Variants in CTNNA3 observed in about 807,000 individuals in gnomAD.
CTNNA3 encodes the protein catenin alpha 3.
CTNNA3 carries 76 observed loss-of-function variants against 95.7 expected under a neutral mutation model. The observed-to-expected ratio is 0.79, with a 90% confidence interval of 0.66 to 0.96. The LOEUF (loss-of-function observed/expected upper bound fraction) is 0.96, where lower values mean the gene tolerates loss of function less well. Ranked by LOEUF, CTNNA3 falls within the 40% of genes least tolerant of loss-of-function variation. The pLI, the probability that CTNNA3 is intolerant of heterozygous loss-of-function variation, is 0.00. For synonymous variants in CTNNA3, 431 were observed against 374.4 expected, an observed-to-expected ratio of 1.15 and a Z score of -1.74; for missense variants, 1,191 against 1,089.8, an observed-to-expected ratio of 1.09 and a Z score of -1.31.
At chr10:66,207,890 T>TA (rs1370431008) in intron 13 of CTNNA3, among the ~76,000 whole-genome samples, 2 of 151,766 alleles carry the variant, frequency 1.3e-5, no homozygotes, top group African/African-American at 4.8e-5. Context: ...CTCACATTAA[T>TA]AAAAAAAATA....
chr10:66,514,755 C>T (rs998785350), intron 11 of CTNNA3, among the ~76,000 whole-genome samples: 1 of 152,056 alleles, frequency 6.6e-6, no homozygotes, highest in African/African-American at 2.4e-5. Flanking sequence ...TTTTTACAAA[C>T]CCTTATATTT....
intron 11 of CTNNA3, among the ~76,000 whole-genome samples, chr10:66,499,496 A>T (rs2131959776): frequency 6.6e-6 from 1 of 152,270 alleles, no homozygotes; most frequent in African/African-American, 2.4e-5. Flanking sequence ...TTTGAGAGGA[A>T]AAACAATTTT....
intron 15 of CTNNA3, among the ~76,000 whole-genome samples, chr10:65,994,702 A>T (rs1412603341): frequency 6.6e-6 from 1 of 152,082 alleles, no homozygotes; most frequent in Non-Finnish European, 1.5e-5. Flanking sequence ...TATCTCTCCT[A>T]AGACTTTTAA....
At chr10:67,208,767 T>C (rs1228209725) in intron 6 of CTNNA3, among the ~76,000 whole-genome samples, 1 of 152,190 alleles carries the variant, frequency 6.6e-6, no homozygotes, top group Non-Finnish European at 1.5e-5. Context: ...TTTCTTAATT[T>C]CCATAATTGT....
At chr10:67,237,703 G>A (rs1174525081) in intron 5 of CTNNA3, among the ~76,000 whole-genome samples, 1 of 152,152 alleles carries the variant, frequency 6.6e-6, no homozygotes, top group African/African-American at 2.4e-5. Flanking sequence ...ACAAATACAG[G>A]AAACCTAAGC....
At chr10:67,637,261 T>A (rs1354323431) in intron 2 of CTNNA3, among the ~76,000 whole-genome samples, 1 of 152,128 alleles carries the variant, frequency 6.6e-6, no homozygotes, top group African/African-American at 2.4e-5. Context: ...AGAAAGGGTA[T>A]CAGTGATGGA....
rs184000502 is a variant in CTNNA3, at chr10:67,577,985, T to C, written c.292+28872A>G. On this transcript the variant is annotated intron_variant, in intron 3 of 17. Coordinates refer to ENST00000433211, the MANE Select transcript of CTNNA3 (RefSeq NM_013266.4). Reference sequence around the variant, plus strand: ...TTCTACCAACAGAATATAAGAGTTTTCTTTTCTCCACATCCTCGCCAACAT... The same window carrying C: ...TTCTACCAACAGAATATAAGAGTTTCCTTTTCTCCACATCCTCGCCAACAT... Among the ~76,000 whole-genome samples the C allele has an allele frequency of 1.4e-3, 208 of 145,720 alleles. 1 individual carries two copies. In the Middle Eastern group the frequency reaches 0.031, roughly 22 times the overall value.
chr10:66,155,428 G>T (rs907121066), intron 13 of CTNNA3, among the ~76,000 whole-genome samples: 20 of 151,762 alleles, frequency 1.3e-4, no homozygotes, highest in African/African-American at 4.1e-4. Context: ...GTCACATTTT[G>T]ATTTCAAAAG....
chr10:67,402,984 C>G (rs1263980899), intron 5 of CTNNA3, among the ~76,000 whole-genome samples: 1 of 152,238 alleles, frequency 6.6e-6, no homozygotes, highest in Non-Finnish European at 1.5e-5. Context: ...ATAAGACCCA[C>G]TGGCTTGGAA....
Position 66,824,688 on chromosome 10 carries a change from A to G in CTNNA3, c.1048-49164T>C, listed in dbSNP as rs148797897. Reference sequence around the variant, plus strand: ...GCAGACAGTATGTGGGAAACATCAGACAAACCCAAATTGAAAGACGTTCTA... The same window carrying G: ...GCAGACAGTATGTGGGAAACATCAGGCAAACCCAAATTGAAAGACGTTCTA... On this transcript the variant is annotated intron_variant, in intron 7 of 17. Transcript: ENST00000433211. Among the ~76,000 whole-genome samples the G allele has an allele frequency of 4.1e-3, 618 of 152,310 alleles. 5 individuals carry two copies. Among genetic ancestry groups the G allele is most frequent in the African/African-American group, 0.013 (560 of 41,568 alleles).
intron 13 of CTNNA3, among the ~76,000 whole-genome samples, chr10:66,209,726 A>C (rs1405566838): frequency 6.6e-6 from 1 of 152,164 alleles, no homozygotes; most frequent in African/African-American, 2.4e-5. Flanking sequence ...TTTTATAGTA[A>C]TAAGCTAGTT....
chr10:67,265,195 C>G (rs1866771462), intron 5 of CTNNA3, among the ~76,000 whole-genome samples: 1 of 152,166 alleles, frequency 6.6e-6, no homozygotes, highest in Admixed American at 6.5e-5. Flanking sequence ...TTAAAATAAT[C>G]AAACTCAACC....
At chr10:66,199,428 C>T (rs2087173771) in intron 13 of CTNNA3, among the ~76,000 whole-genome samples, 1 of 150,558 alleles carries the variant, frequency 6.6e-6, no homozygotes, top group Non-Finnish European at 1.5e-5. Context: ...TGTGTATATT[C>T]TTTAAAGTGT....
chr10:66,135,179 G>T (rs1474694096), intron 13 of CTNNA3, among the ~76,000 whole-genome samples: 1 of 151,992 alleles, frequency 6.6e-6, no homozygotes, highest in African/African-American at 2.4e-5. Flanking sequence ...CACCTCAATT[G>T]CAACAAAAAC....
At chr10:66,541,791 C>T (rs1250841088) in intron 10 of CTNNA3, among the ~76,000 whole-genome samples, 3 of 152,086 alleles carry the variant, frequency 2.0e-5, no homozygotes, top group Non-Finnish European at 4.4e-5. Context: ...AACTTTACAA[C>T]ACGTAAGAGA....
intron 5 of CTNNA3, among the ~76,000 whole-genome samples, chr10:67,343,996 G>C (rs902821816): frequency 6.7e-6 from 1 of 149,500 alleles, no homozygotes; most frequent in South Asian, 2.1e-4. Context: ...TTATGTTGAA[G>C]TATGCTCATT....
In CTNNA3 at chr10:66,105,813, T is replaced by A. The variant is rs931010366; in HGVS notation, c.1885-2564A>T. Among the ~76,000 whole-genome samples the A allele has an allele frequency of 3.3e-5, 5 of 152,240 alleles. No individual in the cohort carries two copies. The East Asian group carries it at 9.6e-4, about 29-fold the overall frequency. Reference sequence around the variant, plus strand: ...ACATTCTGTAAGGCATGGTGTTGGATGGTATTGTGAAAATAAATAGTTAAA... The same window carrying A: ...ACATTCTGTAAGGCATGGTGTTGGAAGGTATTGTGAAAATAAATAGTTAAA... On this transcript the variant is annotated intron_variant, in intron 13 of 17. Coordinates refer to ENST00000433211, the MANE Select transcript of CTNNA3 (RefSeq NM_013266.4).
At chr10:66,071,905 C>T (rs1483480447) in intron 14 of CTNNA3, among the ~76,000 whole-genome samples, 1 of 152,144 alleles carries the variant, frequency 6.6e-6, no homozygotes, top group African/African-American at 2.4e-5. Flanking sequence ...GCTGTGTTAT[C>T]CCAATTGCCT....
chr10:66,787,467 C>T (rs1411991948), intron 7 of CTNNA3, among the ~76,000 whole-genome samples: 1 of 152,092 alleles, frequency 6.6e-6, no homozygotes, highest in Non-Finnish European at 1.5e-5. Flanking sequence ...ACAGCTTTAT[C>T]TCTATTGGGC....
Sources: allele counts gnomAD v4.1 joint callset (sites outside exome capture counted in the v4.1 genomes callset), GRCh38; gene constraint gnomAD v4.1.1; transcripts MANE v1.5; gene names NCBI Gene and HGNC (gene_info 2026-07-23, HGNC 2026-07-21).